The following ANKLE2 variants were observed in gnomAD, a reference collection of about 807,000 sequenced individuals.
ANKLE2 encodes the protein ankyrin repeat and LEM domain containing 2, also known as ankyrin repeat and LEM domain-containing protein 2.
ANKLE2 carries 55 observed loss-of-function variants against 84.2 expected under a neutral mutation model. The observed-to-expected ratio is 0.65, with a 90% CI of 0.53 to 0.82. The LOEUF (loss-of-function observed/expected upper bound fraction) is 0.82. Among genes scored for constraint, ANKLE2 ranks in the 40% least tolerant of loss-of-function variants. The pLI is 0.00. For synonymous variants in ANKLE2, 551 were observed against 486.1 expected (o/e 1.13, Z -1.76); for missense variants, 1,238 against 1,201.9 (o/e 1.03, Z -0.44).
chr12:132,755,135 TAGGCCCAAGA>T lies in ANKLE2; in HGVS notation c.182-12_182-3del, dbSNP rs746488089. ...ACAGAGCATCCATTGTCATTTCACC[TAGGCCCAAGA>T]CAAAAAAATCAAAGAGTCACAAAAT... On this transcript the variant is annotated splice_region_variant and splice_polypyrimidine_tract_variant and intron_variant, in intron 1 of 12. Transcript: ENST00000357997. The T allele has an allele frequency of 6.3e-7, 1 of 1,593,066 alleles. No individual in the cohort carries two copies. The highest frequency in any genetic ancestry group is 1.1e-5 in the South Asian group (1 of 89,010).
In ANKLE2 at chr12:132,743,087, C is replaced by T; in HGVS notation, c.1353+67G>A. 1 of 1,470,562 alleles carries T rather than the reference C, an allele frequency of 6.8e-7. No individual in the cohort carries two copies. Among genetic ancestry groups the T allele is most frequent in the Non-Finnish European group, 9.1e-7 (1 of 1,093,302 alleles). The allele number at this position is 1,470,562 out of a possible 1,614,324, so 91.1% of individuals were successfully genotyped here. On this transcript the variant is annotated intron_variant, in intron 6 of 12. Transcript: ENST00000357997. This position sits in a 1 kb window ranked among gnomAD's most constrained non-coding sequence, Gnocchi z 4.1. ...TGTGGCTTCCCTGTGCCTGTGATCA[C>T]AGACTGTAAATTTATATATTTCCAT... is the stretch of plus-strand genomic sequence containing the variant.
chr12:132,737,326 G>A, intron 7 of ANKLE2: 1 of 403,912 alleles, frequency 2.5e-6, no homozygotes, highest in Non-Finnish European at 4.4e-6. Flanking sequence ...AGAAAGAAAA[G>A]AAAAGGAAGC....
At chr12:132,732,523 T>C (rs1166044741) in intron 10 of ANKLE2, among the ~76,000 whole-genome samples, 1 of 140,194 alleles carries the variant, frequency 7.1e-6, no homozygotes, top group Non-Finnish European at 1.6e-5. Context: ...ATACGCACCG[T>C]GTGAAGCTCT....
intron 10 of ANKLE2, chr12:132,734,019 C>T (rs777683974): frequency 4.3e-5 from 20 of 462,860 alleles, no homozygotes; most frequent in Admixed American, 4.0e-4. Context: ...TAGTGGATCA[C>T]GAGGTCAGGA....
intron 11 of ANKLE2, among the ~76,000 whole-genome samples, chr12:132,728,635 G>C (rs1026570074): frequency 6.6e-6 from 1 of 152,224 alleles, no homozygotes; most frequent in Non-Finnish European, 1.5e-5. Flanking sequence ...CAGCATGTCA[G>C]GGCATTAGCT....
In ANKLE2 at chr12:132,725,810, CT is replaced by C. The variant is rs2043689518; in HGVS notation, c.*1431del. On this transcript the variant is annotated 3_prime_UTR_variant, in exon 13 of 13. Coordinates refer to ENST00000357997, the MANE Select transcript of ANKLE2 (RefSeq NM_015114.3). Reference sequence around the variant, plus strand: ...AACCAAGGTGCCTTTTAAAATGCGGCTTTTTAGAATAGCATGTGTTGTTTCT... The same window carrying C: ...AACCAAGGTGCCTTTTAAAATGCGGCTTTTAGAATAGCATGTGTTGTTTCT... 6.6e-6 allele frequency: 1 copy of C among 152,168 alleles called. No individual in the cohort carries two copies. The highest frequency in any genetic ancestry group is 2.4e-5 in the African/African-American group (1 of 41,434). The allele number at this position is 152,168 out of a possible 1,614,324, so 9.4% of individuals were successfully genotyped here. A position where few individuals can be genotyped will look rare whatever the true frequency, so the allele number is the denominator to read the frequency against.
intron 11 of ANKLE2, 124 bp from the exon 12 acceptor site, chr12:132,728,287 T>C (rs967397957): frequency 1.8e-4 from 223 of 1,223,078 alleles, no homozygotes; most frequent in Non-Finnish European, 2.4e-4. Context: ...TGGAATGCAG[T>C]GGCGTGATCT....
Position 132,736,894 on chromosome 12 carries a change from T to G in ANKLE2, c.1592A>C (p.Lys531Thr). Residue 531 changes from lysine (K) to threonine (T), a missense_variant and splice_region_variant, in exon 8 of 13, where the codon AAG becomes ACG. This residue lies in a region of ANKLE2 where 802 missense variants were observed against 774.5 expected (regional missense o/e 1.04). Transcript: ENST00000357997. The part of the protein sequence containing the change: ...RAFAGPLSPA[K>T]AEDFRKLWKT... The stretch of plus-strand genomic sequence containing the variant: ...CCAGAAGCTTCTACAGCAGCTCACC[T>G]TGGCTGGACTCAGGGGCCCTGCGAA... 6.2e-7 allele frequency: 1 copy of G among 1,601,472 alleles called. No individual in the cohort carries two copies. Among genetic ancestry groups the G allele is most frequent in the Non-Finnish European group, 8.5e-7 (1 of 1,171,218 alleles).
intron 7 of ANKLE2, among the ~76,000 whole-genome samples, chr12:132,740,515 GAC>G (rs1219455362): frequency 1.1e-4 from 17 of 152,100 alleles, no homozygotes; most frequent in African/African-American, 2.4e-5. Context: ...TTTAAATAGA[GAC>G]AGAGTTTTGG....
chr12:132,758,881 ACG>A lies in ANKLE2; in HGVS notation c.181+2735_181+2736del, dbSNP rs1388927339. ...AGCATAATGCCCTTGAGATCCACCCACGTGGCAGAGTGGATCGCTGCGGAGTG... is the reference window on the plus strand; with the variant it reads ...AGCATAATGCCCTTGAGATCCACCCATGGCAGAGTGGATCGCTGCGGAGTG... On this transcript the variant is annotated intron_variant, in intron 1 of 12. Transcript: ENST00000357997. 27 of 150,728 alleles carry A rather than the reference ACG, an allele frequency of 1.8e-4. 1 individual carries two copies. Among genetic ancestry groups the A allele is most frequent in the African/African-American group, 6.3e-4 (26 of 41,156 alleles). 9.3% of individuals were successfully genotyped at this position (150,728 alleles called of 1,614,324 possible).
intron 1 of ANKLE2, chr12:132,761,396 CG>C (rs1748176233): frequency 2.8e-6 from 1 of 355,408 alleles, no homozygotes; most frequent in Admixed American, 4.9e-5. Flanking sequence ...CTCTCACCCC[CG>C]AACCCGGCGT....
At position 132,736,744 on chromosome 12, in the gene ANKLE2, C is replaced by T. The variant is rs143561672; in HGVS notation, c.1593+149G>A. The T allele has an allele frequency of 5.3e-3, 4,799 of 905,240 alleles. 146 individuals are homozygous for T. The Admixed American group carries it at 0.064, about 12-fold the overall frequency. The allele number at this position is 905,240 out of a possible 1,614,324, so 56.1% of individuals were successfully genotyped here. The stretch of plus-strand genomic sequence containing the variant: ...TCTGACAAACGTTCTCATCACCAAT[C>T]ACTGGTGGATGGTTTGAGATGAGGA... On this transcript the variant is annotated intron_variant, in intron 8 of 12. Coordinates refer to ENST00000357997, the MANE Select transcript of ANKLE2 (RefSeq NM_015114.3).
In ANKLE2 at chr12:132,727,054, C is replaced by G; in HGVS notation, c.*188G>C. 2 of 662,554 alleles carry G rather than the reference C, an allele frequency of 3.0e-6. No homozygotes were observed. The highest frequency in any genetic ancestry group is 4.6e-6 in the Non-Finnish European group (2 of 437,662). The allele number at this position is 662,554 out of a possible 1,614,324, so 41.0% of individuals were successfully genotyped here. ...TAACTGAGTTTGCTTTCATTAACTT[C>G]TAACTTCTTCCAAAATATCAGAAAT... On this transcript the variant is annotated 3_prime_UTR_variant, in exon 13 of 13. Transcript: ENST00000357997.
At chr12:132,761,549 G>A in intron 1 of ANKLE2, 69 bp downstream of exon 1, 1 of 1,163,070 alleles carries the variant, frequency 8.6e-7, no homozygotes. Flanking sequence ...CGGGACCCCA[G>A]GCCCGAGGAG....
At chr12:132,748,860 C>CATATATATATATATATATAT (rs767404623) in intron 3 of ANKLE2, 1 of 145,072 alleles carries the variant, frequency 6.9e-6, no homozygotes, top group Non-Finnish European at 1.5e-5. Flanking sequence ...GGCTTATATA[C>CATATATATATATATATATAT]ATATATATAT....
chr12:132,735,359 G>A (rs780733474), intron 9 of ANKLE2, 47 bp downstream of exon 9: 317 of 1,542,726 alleles, frequency 2.1e-4, no homozygotes, highest in Non-Finnish European at 2.6e-4. Context: ...TAATCAAAAT[G>A]CAACCAACTG....
At chr12:132,739,684 TC>T (rs1446865366) in intron 7 of ANKLE2, among the ~76,000 whole-genome samples, 1 of 152,222 alleles carries the variant, frequency 6.6e-6, no homozygotes, top group Non-Finnish European at 1.5e-5. Flanking sequence ...TTAGAGTCCT[TC>T]CTCATCTTCA....
intron 9 of ANKLE2, 73 bp downstream of exon 9, chr12:132,735,333 T>C: frequency 7.3e-7 from 1 of 1,363,126 alleles, no homozygotes; most frequent in Non-Finnish European, 1.0e-6. Flanking sequence ...GAAGCTGTGA[T>C]TTGACCTTCT....
At chr12:132,748,372 CAA>C (rs1253597027) in intron 3 of ANKLE2, 41 bp from the exon 4 acceptor site, 2 of 1,609,228 alleles carry the variant, frequency 1.2e-6, no homozygotes, top group Non-Finnish European at 8.5e-7. Context: ...TCAGTTTCAC[CAA>C]AAGTCACTCA....
Sources: allele counts gnomAD v4.1 joint callset (sites outside exome capture counted in the v4.1 genomes callset), GRCh38; gene constraint gnomAD v4.1.1; regional missense constraint gnomAD v4.1.1; non-coding constraint Gnocchi (gnomAD v3.1); transcripts MANE v1.5; gene names NCBI Gene and HGNC (gene_info 2026-07-23, HGNC 2026-07-21).